The following BCAS4 variants were observed in gnomAD, a reference collection of about 807,000 sequenced individuals.
The protein encoded by BCAS4 is breast carcinoma amplified sequence 4.
In BCAS4, 9 loss-of-function variants were observed where a neutral mutation model predicts 15.7. The observed-to-expected ratio is 0.57, with a 90% CI of 0.34 to 1.00. The LOEUF (loss-of-function observed/expected upper bound fraction) is 1.00. Ranked by LOEUF, BCAS4 falls within the 50% of genes least tolerant of loss-of-function variation. The pLI is 0.02. For synonymous variants in BCAS4, 101 were observed against 99.5 expected, an observed-to-expected ratio of 1.02 and a Z score of -0.09; for missense variants, 225 against 239.1, an observed-to-expected ratio of 0.94 and a Z score of 0.39.
At chr20:50,843,934 A>G (rs987193882) in intron 4 of BCAS4, among the ~76,000 whole-genome samples, 2 of 152,220 alleles carry the variant, frequency 1.3e-5, no homozygotes, top group African/African-American at 4.8e-5. Flanking sequence ...ACTTGAGCCC[A>G]GGAGTTCAAG....
intron 4 of BCAS4, chr20:50,875,918 C>T: frequency 2.2e-6 from 1 of 456,000 alleles, no homozygotes; most frequent in Non-Finnish European, 4.4e-6. Flanking sequence ...CTTTCTTAGT[C>T]CTCCTCTGCC....
intron 4 of BCAS4, among the ~76,000 whole-genome samples, chr20:50,866,609 T>G (rs1391820234): frequency 6.6e-6 from 1 of 152,222 alleles, no homozygotes; most frequent in Admixed American, 6.5e-5. Context: ...GTGACCCGTT[T>G]GTGCTCTCTG....
chr20:50,829,534 C>T (rs925430579), intron 2 of BCAS4, among the ~76,000 whole-genome samples: 7 of 152,026 alleles, frequency 4.6e-5, no homozygotes, highest in South Asian at 4.1e-4. Context: ...TGAGCCACCA[C>T]GCCCAGCCGC....
At position 50,839,680 on chromosome 20, in the gene BCAS4, A is replaced by G. The variant is rs555790312; in HGVS notation, c.265-2086A>G. Among the ~76,000 whole-genome samples the G allele has an allele frequency of 2.0e-5, 3 of 152,146 alleles. No homozygotes were observed. In the East Asian group the frequency reaches 5.8e-4, roughly 29 times the overall value. The stretch of plus-strand genomic sequence containing the variant: ...ACCACACTCGGCTAATTTTTTTTGT[A>G]TTTTTAATAGAGATGGGGTTTCGCC... On this transcript the variant is annotated intron_variant, in intron 3 of 4. Coordinates refer to ENST00000371608, the MANE Select transcript of BCAS4 (RefSeq NM_198799.4).
At chr20:50,840,954 C>G (rs540340247) in intron 3 of BCAS4, 12 of 520,460 alleles carry the variant, frequency 2.3e-5, no homozygotes, top group Non-Finnish European at 3.8e-5. Flanking sequence ...CTCAGCCTCC[C>G]GAGTAGCTGG....
Position 50,876,561 on chromosome 20 carries a change from G to C in BCAS4, c.475G>C (p.Ala159Pro). The change falls in exon 5 of 5, where the codon GCC becomes CCC. Residue 159 changes from alanine (A) to proline (P), a missense_variant. By Grantham distance (27) the Ala-to-Pro change is conservative. Transcript: ENST00000371608. ...GACGGAGGACTATTTTCCTGTGGAC[G>C]CCGGGGAAGCACAGCACCACCCCCG... ...YRTEDYFPVD[A>P]GEAQHHPRTC... The C allele has an allele frequency of 6.2e-7, 1 of 1,614,044 alleles. No homozygotes were observed. The highest frequency in any genetic ancestry group is 8.5e-7 in the Non-Finnish European group (1 of 1,179,980).
At chr20:50,860,934 G>T (rs1048679051) in intron 4 of BCAS4, among the ~76,000 whole-genome samples, 1 of 151,768 alleles carries the variant, frequency 6.6e-6, no homozygotes, top group African/African-American at 2.4e-5. Context: ...GGTTGAGGCT[G>T]CAGTGAGCCG....
chr20:50,865,306 A>G (rs532412053), intron 4 of BCAS4, among the ~76,000 whole-genome samples: 4 of 152,066 alleles, frequency 2.6e-5, no homozygotes, highest in Non-Finnish European at 5.9e-5. Context: ...TGGCCCATGG[A>G]CAGCAGAGTT....
intron 2 of BCAS4, among the ~76,000 whole-genome samples, chr20:50,820,448 G>A (rs1283253533): frequency 3.3e-5 from 5 of 152,174 alleles, no homozygotes; most frequent in Admixed American, 6.5e-5. Flanking sequence ...GTGCATTCAG[G>A]CAGAGGGACC....
At chr20:50,799,485 T>C (rs1288108485) in intron 1 of BCAS4, among the ~76,000 whole-genome samples, 1 of 152,170 alleles carries the variant, frequency 6.6e-6, no homozygotes, top group Non-Finnish European at 1.5e-5. Flanking sequence ...GGTGGGCACA[T>C]GAGCAGGAAA....
intron 4 of BCAS4, among the ~76,000 whole-genome samples, chr20:50,842,828 C>A (rs1426305381): frequency 6.6e-6 from 1 of 152,250 alleles, no homozygotes; most frequent in African/African-American, 2.4e-5. Flanking sequence ...GCCCCCTTCA[C>A]AGGAAAGGTG....
chr20:50,816,901 T>C (rs1380268660), intron 1 of BCAS4, among the ~76,000 whole-genome samples: 1 of 143,186 alleles, frequency 7.0e-6, no homozygotes, highest in Non-Finnish European at 1.5e-5. Context: ...GCCTCCCGGG[T>C]TCAAGCGATT....
At chr20:50,874,214 G>T (rs1233009909) in intron 4 of BCAS4, among the ~76,000 whole-genome samples, 2 of 152,190 alleles carry the variant, frequency 1.3e-5, no homozygotes, top group Non-Finnish European at 2.9e-5. Context: ...TGGCTTGCAA[G>T]ATCCCAGGTG....
Position 50,876,554 on chromosome 20 carries a change from T to G in BCAS4, c.468T>G (p.Pro156=). ...TGTATAGGACGGAGGACTATTTTCC[T>G]GTGGACGCCGGGGAAGCACAGCACC... ...PTLYRTEDYF[P]VDAGEAQHHP... Residue 156 remains proline (P), a synonymous_variant, in exon 5 of 5, where the codon CCT becomes CCG. Coordinates refer to ENST00000371608, the MANE Select transcript of BCAS4 (RefSeq NM_198799.4). The G allele has an allele frequency of 6.2e-7, 1 of 1,614,140 alleles. No individual in the cohort carries two copies. Among genetic ancestry groups the G allele is most frequent in the Non-Finnish European group, 8.5e-7 (1 of 1,180,016 alleles).
intron 1 of BCAS4, among the ~76,000 whole-genome samples, chr20:50,797,076 G>C (rs1381131152): frequency 6.6e-6 from 1 of 151,902 alleles, no homozygotes; most frequent in African/African-American, 2.4e-5. Context: ...GGGCCCAAGA[G>C]ATCCTTTGGC....
intron 3 of BCAS4, chr20:50,841,030 A>C (rs146728404): frequency 4.1e-5 from 15 of 370,330 alleles, no homozygotes; most frequent in Non-Finnish European, 6.2e-5. Flanking sequence ...CAGTTTCACC[A>C]TGTTGGCCAG....
rs1458677228 is a variant in BCAS4, at chr20:50,808,227, T to C, written c.91-9984T>C. Among the ~76,000 whole-genome samples the C allele has an allele frequency of 3.3e-5, 5 of 152,364 alleles. No homozygotes were observed. The East Asian group carries it at 9.6e-4, about 29-fold the overall frequency. The stretch of plus-strand genomic sequence containing the variant: ...GCGCCCGGCTGTGCCACATATTCTT[T>C]ATCCACTTGTTGATTGATAGGCATT... On this transcript the variant is annotated intron_variant, in intron 1 of 4. Transcript: ENST00000371608.
At chr20:50,866,438 G>A (rs1028510020) in intron 4 of BCAS4, among the ~76,000 whole-genome samples, 1 of 152,224 alleles carries the variant, frequency 6.6e-6, no homozygotes, top group African/African-American at 2.4e-5. Context: ...TGGCTGATGG[G>A]GCAGCTCACT....
At chr20:50,833,346 G>A (rs1011107082) in intron 3 of BCAS4, among the ~76,000 whole-genome samples, 2 of 152,192 alleles carry the variant, frequency 1.3e-5, no homozygotes, top group Admixed American at 6.5e-5. Context: ...GGAAGCCGCC[G>A]AAGAGTCAGG....
Sources: allele counts gnomAD v4.1 joint callset (sites outside exome capture counted in the v4.1 genomes callset), GRCh38; gene constraint gnomAD v4.1.1; transcripts MANE v1.5; gene names NCBI Gene and HGNC (gene_info 2026-07-23, HGNC 2026-07-21).